ELOVL6: variants seen among roughly 807,000 people sequenced by gnomAD.
ELOVL6 encodes the protein very long chain fatty acid elongase 6.
Under a neutral mutation model 31.7 loss-of-function variants are expected in ELOVL6, and 8 were observed. The observed-to-expected ratio is 0.25, with a 90% CI of 0.15 to 0.45. The LOEUF is 0.45. Among genes scored for constraint, ELOVL6 ranks in the 20% least tolerant of loss-of-function variants. ELOVL6 has a pLI of 1.00. For synonymous variants in ELOVL6, 101 were observed against 117.7 expected (o/e 0.86, Z 0.92); for missense variants, 126 against 326.4 (o/e 0.39, Z 4.73).
intron 3 of ELOVL6, among the ~76,000 whole-genome samples, chr4:110,059,179 A>G (rs1401919530): frequency 6.6e-6 from 1 of 152,164 alleles, no homozygotes; most frequent in African/African-American, 2.4e-5. Context: ...TCCCCAAATG[A>G]AAAGCTTAAT....
chr4:110,142,824 C>T (rs1324667618), intron 1 of ELOVL6, among the ~76,000 whole-genome samples: 1 of 152,134 alleles, frequency 6.6e-6, no homozygotes, highest in Non-Finnish European at 1.5e-5. Context: ...TATAACATAC[C>T]AATCCTTCAA....
At chr4:110,162,710 C>T (rs1758665480) in intron 1 of ELOVL6, among the ~76,000 whole-genome samples, 1 of 152,098 alleles carries the variant, frequency 6.6e-6, no homozygotes, top group African/African-American at 2.4e-5. Context: ...TTCCTCCTGC[C>T]TCCCTACAGG....
At chr4:110,185,264 T>C (rs1035079504) in intron 1 of ELOVL6, among the ~76,000 whole-genome samples, 5 of 152,252 alleles carry the variant, frequency 3.3e-5, no homozygotes, top group African/African-American at 1.2e-4. Context: ...CAAAACTAAA[T>C]ACAACTCAAG....
At chr4:110,115,690 T>A (rs1379310173) in intron 1 of ELOVL6, among the ~76,000 whole-genome samples, 1 of 152,240 alleles carries the variant, frequency 6.6e-6, no homozygotes, top group Non-Finnish European at 1.5e-5. Flanking sequence ...GGATAAAGTT[T>A]GCAGACAATA....
chr4:110,084,472 CA>C lies in ELOVL6; in HGVS notation c.221+21024del, dbSNP rs1756152787. Reference sequence around the variant, plus strand: ...CGCATATATCATATATGATATATAACAATATACACTATAATGTATACACATA... The same window carrying C: ...CGCATATATCATATATGATATATAACATATACACTATAATGTATACACATA... On this transcript the variant is annotated intron_variant, in intron 2 of 3. Coordinates refer to ENST00000302274, the MANE Select transcript of ELOVL6 (RefSeq NM_024090.3). Among the ~76,000 whole-genome samples, 33 of 27,674 alleles carry C rather than the reference CA, an allele frequency of 1.2e-3. 1 individual carries two copies. In the South Asian group the frequency reaches 0.029, roughly 24 times the overall value. The allele number at this position is 27,674 out of a possible 152,430, so 18.2% of individuals were successfully genotyped here.
intron 2 of ELOVL6, among the ~76,000 whole-genome samples, chr4:110,098,017 A>C (rs1204992512): frequency 6.6e-6 from 1 of 152,160 alleles, no homozygotes; most frequent in Non-Finnish European, 1.5e-5. Flanking sequence ...AAGATAAAAC[A>C]AAAACAGGTT....
intron 1 of ELOVL6, among the ~76,000 whole-genome samples, chr4:110,134,487 G>A (rs1245929387): frequency 6.6e-6 from 1 of 152,118 alleles, no homozygotes; most frequent in African/African-American, 2.4e-5. Flanking sequence ...GCTGATAGTG[G>A]GATCATTTCA....
At chr4:110,080,631 TATCATACTGAATGG>T (rs1560810869) in intron 2 of ELOVL6, among the ~76,000 whole-genome samples, 1 of 152,136 alleles carries the variant, frequency 6.6e-6, no homozygotes, top group African/African-American at 2.4e-5. Flanking sequence ...CCACAGCCAA[TATCATACTGAATGG>T]GCAAAAACTG....
intron 2 of ELOVL6, among the ~76,000 whole-genome samples, chr4:110,063,817 C>T (rs1331293039): frequency 2.0e-5 from 3 of 151,312 alleles, no homozygotes; most frequent in South Asian, 4.2e-4. Context: ...GTGGCTCATG[C>T]CTGTAATCCC....
intron 3 of ELOVL6, among the ~76,000 whole-genome samples, chr4:110,056,606 G>A (rs1187425141): frequency 1.3e-5 from 2 of 152,168 alleles, no homozygotes; most frequent in African/African-American, 2.4e-5. Context: ...TGAAGAATTT[G>A]TGTTACTAAT....
At chr4:110,163,457 G>A (rs1758682941) in intron 1 of ELOVL6, among the ~76,000 whole-genome samples, 2 of 152,118 alleles carry the variant, frequency 1.3e-5, no homozygotes, top group Admixed American at 1.3e-4. Context: ...TGAGAACAGC[G>A]GCCTTGTGCC....
rs1431712155 is a variant in ELOVL6 at position 110,048,296 on chromosome 4, C to T, written c.*3042G>A. On this transcript the variant is annotated 3_prime_UTR_variant, in exon 4 of 4. Coordinates refer to ENST00000302274, the MANE Select transcript of ELOVL6 (RefSeq NM_024090.3). ...CAACACTAGAAGGTCCACGTAAACC[C>T]CCTGCTTTATGAATAGAGCATTTCT... 2 of 152,204 alleles carry T rather than the reference C, an allele frequency of 1.3e-5. No homozygotes were observed. Among genetic ancestry groups the T allele is most frequent in the Non-Finnish European group, 2.9e-5 (2 of 68,048 alleles). The allele number at this position is 152,204 out of a possible 1,614,324, so 9.4% of individuals were successfully genotyped here.
intron 1 of ELOVL6, among the ~76,000 whole-genome samples, chr4:110,114,557 CA>C (rs1757123987): frequency 6.6e-6 from 1 of 152,086 alleles, no homozygotes; most frequent in African/African-American, 2.4e-5. Context: ...TCATATGGTA[CA>C]GCTGGGCTTC....
At chr4:110,198,718 A>T (rs945189639), upstream of ELOVL6, 1 of 184,170 alleles carries the variant, frequency 5.4e-6, no homozygotes, top group African/African-American at 2.4e-5. Context: ...TGTGCGAAAG[A>T]GCGCGACCTC....
chr4:110,176,155 T>TTTA (rs137940941), intron 1 of ELOVL6, among the ~76,000 whole-genome samples: 3 of 151,276 alleles, frequency 2.0e-5, no homozygotes, highest in Non-Finnish European at 4.4e-5. Flanking sequence ...TTCTACCTTA[T>TTTA]TTATTTATTT....
At chr4:110,120,648 C>T (rs952918351) in intron 1 of ELOVL6, among the ~76,000 whole-genome samples, 4 of 152,110 alleles carry the variant, frequency 2.6e-5, no homozygotes, top group African/African-American at 4.8e-5. Context: ...AAAAACTGCA[C>T]TTACTATATT....
At chr4:110,187,259 C>G (rs1759477921) in intron 1 of ELOVL6, among the ~76,000 whole-genome samples, 2 of 151,786 alleles carry the variant, frequency 1.3e-5, no homozygotes, top group African/African-American at 4.8e-5. Flanking sequence ...GTCCTTTGAC[C>G]TCTTAATTGT....
At chr4:110,147,280 A>C (rs1236614653) in intron 1 of ELOVL6, 12 of 15,064 alleles carry the variant, frequency 8.0e-4, no homozygotes, top group African/African-American at 1.1e-3. Flanking sequence ...ATTAAAAGTA[A>C]AAAAAAAAAA....
At chr4:110,080,441 G>A (rs976888347) in intron 2 of ELOVL6, among the ~76,000 whole-genome samples, 13 of 152,148 alleles carry the variant, frequency 8.5e-5, no homozygotes, top group African/African-American at 2.4e-4. Flanking sequence ...TTCAGCATAC[G>A]CAAATCAGTA....
Sources: gnomAD v4.1 joint callset for allele counts (sites outside exome capture counted in the v4.1 genomes callset) on GRCh38, gnomAD v4.1.1 for gene constraint, MANE v1.5 for transcripts, NCBI Gene and HGNC (gene_info 2026-07-23, HGNC 2026-07-21) for gene names.